NR5A2: variants seen among roughly 807,000 people sequenced by gnomAD.
NR5A2 encodes the protein nuclear receptor subfamily 5 group A member 2, also known as CYP7A promoter-binding factor.
In NR5A2, 26 loss-of-function variants were observed where a neutral mutation model predicts 62.7. The observed-to-expected ratio is 0.41, with a 90% CI of 0.30 to 0.58. The LOEUF is 0.58. Ranked by LOEUF, NR5A2 falls within the 20% of genes least tolerant of loss-of-function variation. NR5A2 has a pLI of 0.22. For synonymous variants in NR5A2, 246 were observed against 241.7 expected (o/e 1.02, Z -0.16); for missense variants, 541 against 669.1 (o/e 0.81, Z 2.11).
chr1:200,069,574 T>C (rs1422802698), intron 5 of NR5A2, among the ~76,000 whole-genome samples: 3 of 152,124 alleles, frequency 2.0e-5, no homozygotes, highest in Non-Finnish European at 4.4e-5. Context: ...TATTCTACAA[T>C]AGCAATATAG....
At chr1:200,171,029 A>G (rs1654151500) in intron 7 of NR5A2, among the ~76,000 whole-genome samples, 1 of 152,196 alleles carries the variant, frequency 6.6e-6, no homozygotes, top group Non-Finnish European at 1.5e-5. Context: ...CATATCCCTT[A>G]TCCCCAGGAG....
At chr1:200,113,480 T>C (rs1666058144) in intron 6 of NR5A2, among the ~76,000 whole-genome samples, 3 of 152,242 alleles carry the variant, frequency 2.0e-5, no homozygotes, top group Non-Finnish European at 4.4e-5. Context: ...TTTCATAGGA[T>C]GGAAGCAAAA....
At chr1:200,136,445 T>C (rs1296445327) in intron 7 of NR5A2, among the ~76,000 whole-genome samples, 1 of 152,230 alleles carries the variant, frequency 6.6e-6, no homozygotes, top group Non-Finnish European at 1.5e-5. Flanking sequence ...CTTATTGTCC[T>C]GTATGAGCAG....
chr1:200,125,311 C>A (rs1666656585), intron 7 of NR5A2, among the ~76,000 whole-genome samples: 1 of 152,208 alleles, frequency 6.6e-6, no homozygotes, highest in African/African-American at 2.4e-5. Flanking sequence ...TGATACAATC[C>A]TGTTTCCAGC....
intron 5 of NR5A2, among the ~76,000 whole-genome samples, chr1:200,052,213 A>G (rs1359601625): frequency 2.0e-5 from 3 of 152,208 alleles, no homozygotes; most frequent in African/African-American, 7.2e-5. Flanking sequence ...ATAACTCCGG[A>G]AAAAGGTCTC....
intron 5 of NR5A2, among the ~76,000 whole-genome samples, chr1:200,089,534 C>T (rs2102249904): frequency 6.6e-6 from 1 of 152,194 alleles, no homozygotes; most frequent in East Asian, 1.9e-4. Flanking sequence ...GCAGTGGCAC[C>T]ACCTCGGCTC....
At chr1:200,121,732 T>G (rs1571513463) in intron 7 of NR5A2, among the ~76,000 whole-genome samples, 1 of 152,238 alleles carries the variant, frequency 6.6e-6, no homozygotes, top group Non-Finnish European at 1.5e-5. Flanking sequence ...GTCCATTTAT[T>G]ACTTATTGGC....
At position 200,048,520 on chromosome 1, in the gene NR5A2, C is replaced by T; in HGVS notation, c.812C>T (p.Ser271Phe). ...YGHFPSRAIKSEYPDPYTSSP... is the reference protein window; with the variant it reads ...YGHFPSRAIKFEYPDPYTSSP... The stretch of plus-strand genomic sequence containing the variant: ...CACTTTCCTAGCCGGGCCATCAAGT[C>T]TGAGTACCCAGACCCCTATACCAGC... Residue 271 changes from serine (S) to phenylalanine (F), a missense_variant, in exon 5 of 8, where the codon TCT becomes TTT. Physicochemically the swap from Ser to Phe is radical, Grantham distance 155 (BLOSUM62 -2). Coordinates refer to ENST00000367362, the MANE Select transcript of NR5A2 (RefSeq NM_205860.3). The surrounding 1 kb of genome is among the most constrained non-coding windows in gnomAD (Gnocchi z 4.8). 6.2e-7 allele frequency: 1 copy of T among 1,614,176 alleles called. No homozygotes were observed. Among genetic ancestry groups the T allele is most frequent in the African/African-American group, 1.3e-5 (1 of 75,036 alleles).
In NR5A2 at chr1:200,176,176, A is replaced by T. The variant is rs954762680; in HGVS notation, c.*1966A>T. 6.6e-5 allele frequency: 10 copies of T among 152,642 alleles called. No homozygotes were observed. The highest frequency in any genetic ancestry group is 2.2e-4 in the African/African-American group (9 of 41,456). The allele number at this position is 152,642 out of a possible 1,614,324, so 9.5% of individuals were successfully genotyped here. A position where few individuals can be genotyped will look rare whatever the true frequency, so the allele number is the denominator to read the frequency against. ...ATCTATTGTAAATTATGTGACTTGT[A>T]GCTTCCTCTGGTTTTCAAGTAAACT... On this transcript the variant is annotated 3_prime_UTR_variant, in exon 8 of 8. Coordinates refer to ENST00000367362, the MANE Select transcript of NR5A2 (RefSeq NM_205860.3).
intron 7 of NR5A2, among the ~76,000 whole-genome samples, chr1:200,163,646 A>AATTTTTGT (rs763622852): frequency 1.3e-5 from 2 of 151,796 alleles, no homozygotes; most frequent in Non-Finnish European, 2.9e-5. Context: ...CACACTCACT[A>AATTTTTGT]ATTTTTGTAT....
chr1:200,141,377 T>C (rs995235757), intron 7 of NR5A2, among the ~76,000 whole-genome samples: 2 of 152,246 alleles, frequency 1.3e-5, no homozygotes, highest in African/African-American at 4.8e-5. Flanking sequence ...TGTAACCTTT[T>C]GGAATTGGCA....
intron 5 of NR5A2, 98 bp from the exon 6 acceptor site, chr1:200,111,104 A>G (rs1308124704): frequency 7.3e-7 from 1 of 1,370,616 alleles, no homozygotes; most frequent in East Asian, 2.4e-5. Flanking sequence ...GTTTATATGT[A>G]GTCCTCTTAT....
chr1:200,048,058 C>G lies in NR5A2; in HGVS notation c.464-114C>G, dbSNP rs1023172122. 2 of 1,003,238 alleles carry G rather than the reference C, an allele frequency of 2.0e-6. No individual in the cohort carries two copies. The highest frequency in any genetic ancestry group is 2.9e-6 in the Non-Finnish European group (2 of 687,988). The allele number at this position is 1,003,238 out of a possible 1,614,324, so 62.1% of individuals were successfully genotyped here. A position where few individuals can be genotyped will look rare whatever the true frequency, so the allele number is the denominator to read the frequency against. On this transcript the variant is annotated intron_variant, in intron 4 of 7. Coordinates refer to ENST00000367362, the MANE Select transcript of NR5A2 (RefSeq NM_205860.3). This position sits in a 1 kb window ranked among gnomAD's most constrained non-coding sequence, Gnocchi z 4.8. ...TCTTTGTGGGCTATTGTAACGAAAA[C>G]AACCACACACATACCACTTCTTGTC...
At chr1:200,103,749 C>T (rs773493720) in intron 5 of NR5A2, among the ~76,000 whole-genome samples, 15 of 152,118 alleles carry the variant, frequency 9.9e-5, no homozygotes, top group African/African-American at 1.4e-4. Flanking sequence ...AGGAGGCATA[C>T]GGATAATCTA....
intron 5 of NR5A2, among the ~76,000 whole-genome samples, chr1:200,063,816 T>C (rs550491458): frequency 9.2e-5 from 14 of 152,324 alleles, no homozygotes; most frequent in African/African-American, 3.4e-4. Flanking sequence ...CACACATTCA[T>C]CAAACATTTA....
rs1471873522 is a variant in NR5A2 at position 200,120,903 on chromosome 1, G to A, written c.1326G>A (p.Gln442=). 6.2e-7 allele frequency: 1 copy of A among 1,613,626 alleles called. No individual in the cohort carries two copies. The highest frequency in any genetic ancestry group is 8.5e-7 in the Non-Finnish European group (1 of 1,179,820). ...QELVAKLRSL[Q]FDQREFVCLK... The stretch of plus-strand genomic sequence containing the variant: ...TAGTGGCAAAACTTCGTTCTCTCCA[G>A]TTTGATCAACGAGAGTTCGTATGTC... Residue 442 remains glutamine (Q), a synonymous_variant, in exon 7 of 8, where the codon CAG becomes CAA. Transcript: ENST00000367362.
chr1:200,079,203 G>A (rs1286370777), intron 5 of NR5A2, among the ~76,000 whole-genome samples: 4 of 152,148 alleles, frequency 2.6e-5, no homozygotes, highest in Admixed American at 2.6e-4. Flanking sequence ...ACTCTATGGA[G>A]CAGAGTTACT....
Position 200,045,534 on chromosome 1 carries a change from G to T in NR5A2, c.413G>T (p.Cys138Phe). 1 of 1,613,322 alleles carries T rather than the reference G, an allele frequency of 6.2e-7. No individual in the cohort carries two copies. Among genetic ancestry groups the T allele is most frequent in the Non-Finnish European group, 8.5e-7 (1 of 1,179,530 alleles). Residue 138 changes from cysteine to phenylalanine, a missense_variant, in exon 4 of 8, where the codon TGT (cysteine) becomes TTT (phenylalanine). Coordinates refer to ENST00000367362, the MANE Select transcript of NR5A2 (RefSeq NM_205860.3). ...ATTGACAAAACACAGAGAAAGCGTT[G>T]TCCTTACTGTCGTTTTCAAAAATGT... is the stretch of plus-strand genomic sequence containing the variant. ...CQIDKTQRKR[C>F]PYCRFQKCLS...
At chr1:200,114,953 G>A (rs1319553561) in intron 6 of NR5A2, among the ~76,000 whole-genome samples, 2 of 152,222 alleles carry the variant, frequency 1.3e-5, no homozygotes, top group Admixed American at 1.3e-4. Context: ...GTCTTCATGT[G>A]TAATTCCAGT....
Sources: allele counts gnomAD v4.1 joint callset (sites outside exome capture counted in the v4.1 genomes callset), GRCh38; gene constraint gnomAD v4.1.1; non-coding constraint Gnocchi (gnomAD v3.1); transcripts MANE v1.5; gene names NCBI Gene and HGNC (gene_info 2026-07-23, HGNC 2026-07-21).